LRRC28: variants seen among roughly 807,000 people sequenced by gnomAD.
LRRC28 encodes leucine-rich repeat-containing protein 28.
LRRC28 carries 39 observed loss-of-function variants against 45.7 expected under a neutral mutation model. The ratio of observed to expected loss-of-function variants is 0.85; its 90% confidence interval spans 0.66 to 1.12. The LOEUF is 1.12. Ranked by LOEUF, LRRC28 falls within the 50% of genes most tolerant of loss-of-function variation. The pLI, the probability that LRRC28 is intolerant of heterozygous loss-of-function variation, is 0.00. For missense variants in LRRC28, 435 were observed against 438.5 expected (o/e 0.99, Z 0.07); for synonymous variants, 206 against 178.8 (o/e 1.15, Z -1.22).
intron 6 of LRRC28, among the ~76,000 whole-genome samples, chr15:99,352,126 A>G (rs1207289846): frequency 3.3e-5 from 5 of 152,222 alleles, no homozygotes. Context: ...TACAGGGTCC[A>G]CACGTGGACC....
chr15:99,350,885 G>A (rs1030161537), intron 6 of LRRC28, among the ~76,000 whole-genome samples: 2 of 151,934 alleles, frequency 1.3e-5, no homozygotes, highest in African/African-American at 2.4e-5. Context: ...TTGCAGCCTC[G>A]ACCTCCCAGG....
At chr15:99,273,451 A>G (rs1011420459) in intron 2 of LRRC28, among the ~76,000 whole-genome samples, 1 of 148,880 alleles carries the variant, frequency 6.7e-6, no homozygotes, top group African/African-American at 2.6e-5. Flanking sequence ...GTTAGACAGG[A>G]TGGTCTTGAT....
intron 2 of LRRC28, among the ~76,000 whole-genome samples, chr15:99,260,911 TTTC>T (rs1210830555): frequency 1.3e-5 from 2 of 152,242 alleles, no homozygotes; most frequent in African/African-American, 2.4e-5. Flanking sequence ...TGTTTTTGTG[TTTC>T]TTAACATTTT....
chr15:99,316,532 G>T (rs1955599804), intron 5 of LRRC28, among the ~76,000 whole-genome samples: 1 of 151,984 alleles, frequency 6.6e-6, no homozygotes, highest in South Asian at 2.1e-4. Flanking sequence ...AGGAAATTAT[G>T]GATACAGTTC....
chr15:99,364,855 A>AT (rs1490292984), intron 9 of LRRC28, among the ~76,000 whole-genome samples: 1 of 152,152 alleles, frequency 6.6e-6, no homozygotes, highest in Non-Finnish European at 1.5e-5. Flanking sequence ...TAGTTTAGAG[A>AT]TTTTTTATTT....
In LRRC28 at chr15:99,316,660, G is replaced by A. The variant is rs564833308; in HGVS notation, c.386-17263G>A. 1.1e-4 allele frequency among the ~76,000 whole-genome samples: 16 copies of A among 150,650 alleles called. No individual in the cohort carries two copies. The South Asian group carries it at 3.3e-3, about 32-fold the overall frequency. ...GAAAGTAGAGAATTAATGGATGATA[G>A]GAGAGAATTATTGTGCAAAGAGAGA... is the stretch of plus-strand genomic sequence containing the variant. On this transcript the variant is annotated intron_variant, in intron 5 of 9. Transcript: ENST00000301981.
chr15:99,385,580 G>A lies in LRRC28; in HGVS notation c.1032-450G>A, dbSNP rs76837706. Among the ~76,000 whole-genome samples the A allele has an allele frequency of 6.6e-5, 10 of 152,306 alleles. No homozygotes were observed. The East Asian group carries it at 1.9e-3, about 29-fold the overall frequency. ...ACCTATGTGTATGCGTACATTTGTA[G>A]GATAAATTCCTTAAAATTATGTTGT... On this transcript the variant is annotated intron_variant, in intron 9 of 9. Coordinates refer to ENST00000301981, the MANE Select transcript of LRRC28 (RefSeq NM_144598.5).
chr15:99,349,730 G>T (rs1416480761), intron 6 of LRRC28, among the ~76,000 whole-genome samples: 1 of 152,122 alleles, frequency 6.6e-6, no homozygotes, highest in East Asian at 1.9e-4. Context: ...TAAAAAACAA[G>T]GGATGAAATA....
At chr15:99,256,172 C>G in intron 2 of LRRC28, 47 bp downstream of exon 2, 1 of 1,494,270 alleles carries the variant, frequency 6.7e-7, no homozygotes, top group South Asian at 1.3e-5. Flanking sequence ...TACATGTGGT[C>G]CTGATCAAGA....
At chr15:99,377,547 A>T (rs370534847) in intron 9 of LRRC28, among the ~76,000 whole-genome samples, 32 of 152,156 alleles carry the variant, frequency 2.1e-4, no homozygotes, top group Non-Finnish European at 4.1e-4. Flanking sequence ...TTTAGTTTAA[A>T]TAGATCCCAT....
At chr15:99,302,371 GTGTTTTTGTTTT>G (rs888545562) in intron 5 of LRRC28, among the ~76,000 whole-genome samples, 1 of 151,476 alleles carries the variant, frequency 6.6e-6, no homozygotes. Context: ...GTGTGGGTGT[GTGTTTTTGTTTT>G]TGTTTTTGTT....
In LRRC28 at chr15:99,389,225, G is replaced by A. The variant is rs1054093368; in HGVS notation, c.*3123G>A. ...AGACCTTTCACATTCCAGCTTGTCC[G>A]ACTAGTGTAATGTACCTCTCACTTC... On this transcript the variant is annotated 3_prime_UTR_variant, in exon 10 of 10. Transcript: ENST00000301981. 2.0e-5 allele frequency: 3 copies of A among 152,122 alleles called. No individual in the cohort carries two copies. Among genetic ancestry groups the A allele is most frequent in the Non-Finnish European group, 4.4e-5 (3 of 68,028 alleles). The allele number at this position is 152,122 out of a possible 1,614,324, so 9.4% of individuals were successfully genotyped here.
intron 7 of LRRC28, among the ~76,000 whole-genome samples, chr15:99,360,621 G>C (rs1180965915): frequency 1.3e-5 from 2 of 152,192 alleles, no homozygotes; most frequent in Non-Finnish European, 2.9e-5. Context: ...GTTGTCTTCA[G>C]AGCCAAGGTT....
intron 9 of LRRC28, chr15:99,363,487 T>C (rs1026195388): frequency 5.1e-5 from 21 of 407,962 alleles, no homozygotes; most frequent in African/African-American, 1.8e-4. Flanking sequence ...TTTTATTGTA[T>C]ATATTATTTA....
chr15:99,295,842 C>G (rs1021079030), intron 5 of LRRC28, among the ~76,000 whole-genome samples: 1 of 152,102 alleles, frequency 6.6e-6, no homozygotes, highest in East Asian at 1.9e-4. Context: ...TTCCTAAAAC[C>G]CAGGCTTCAA....
intron 1 of LRRC28, chr15:99,251,856 C>A (rs1375024639): frequency 6.6e-6 from 1 of 152,248 alleles, no homozygotes; most frequent in African/African-American, 2.4e-5. Context: ...GCCTAAGACT[C>A]TGCCAGTGTT....
At chr15:99,255,322 G>A (rs1460199762) in intron 1 of LRRC28, among the ~76,000 whole-genome samples, 3 of 151,164 alleles carry the variant, frequency 2.0e-5, no homozygotes, top group Non-Finnish European at 2.9e-5. Flanking sequence ...GAGTCACTGC[G>A]CCCCAGCCTG....
chr15:99,315,259 G>A (rs1323685684), intron 5 of LRRC28, among the ~76,000 whole-genome samples: 4 of 152,018 alleles, frequency 2.6e-5, no homozygotes, highest in African/African-American at 7.2e-5. Context: ...GTAATATCTA[G>A]GTAACAGGAA....
intron 1 of LRRC28, among the ~76,000 whole-genome samples, chr15:99,253,869 CT>C (rs576609291): frequency 6.6e-4 from 101 of 152,226 alleles, no homozygotes; most frequent in African/African-American, 2.3e-3. Flanking sequence ...GGCCACTAGC[CT>C]TGTGATAGAT....
Sources: gnomAD v4.1 joint callset for allele counts (sites outside exome capture counted in the v4.1 genomes callset) on GRCh38, gnomAD v4.1.1 for gene constraint, MANE v1.5 for transcripts, NCBI Gene and HGNC (gene_info 2026-07-23, HGNC 2026-07-21) for gene names.